MICU1: variants seen among roughly 807,000 people sequenced by gnomAD.
The protein encoded by MICU1 is mitochondrial calcium uptake 1.
MICU1 carries 45 observed loss-of-function variants against 56.8 expected under a neutral mutation model. That is an observed-to-expected ratio of 0.79 (90% confidence interval 0.62 to 1.02). The LOEUF is 1.02. MICU1 is among the 50% of genes least tolerant of loss of function. The pLI is 0.00. For synonymous variants in MICU1, 186 were observed against 195.1 expected (o/e 0.95, Z 0.39); for missense variants, 504 against 587.1 (o/e 0.86, Z 1.46).
At chr10:72,448,137 G>GTC (rs1257175269) in intron 8 of MICU1, among the ~76,000 whole-genome samples, 1 of 133,266 alleles carries the variant, frequency 7.5e-6, no homozygotes, top group Non-Finnish European at 1.6e-5. Flanking sequence ...GTGTGTGTGT[G>GTC]TGTGTGTGTG....
rs1332368375 is a variant in MICU1 at position 72,375,794 on chromosome 10, A to C, written c.1259T>G (p.Phe420Cys). 6.2e-7 allele frequency: 1 copy of C among 1,612,926 alleles called. No homozygotes were observed. The highest frequency in any genetic ancestry group is 8.5e-7 in the Non-Finnish European group (1 of 1,179,516). Reference protein sequence around the residue: ...DHVCDVVFALFDCDGNGELSN... With the variant: ...DHVCDVVFALCDCDGNGELSN... ...AGGGCCCCACTCACCATCACAGTCA[A>C]AGAGTGCAAACACCACATCACACAC... The change falls in exon 11 of 12, where the codon TTT (phenylalanine) becomes TGT (cysteine). Residue 420 changes from phenylalanine to cysteine, a missense_variant. By Grantham distance (205) the Phe-to-Cys change is radical (BLOSUM62 -2). Transcript: ENST00000361114.
At chr10:72,497,591 AT>A (rs1866890662) in intron 6 of MICU1, among the ~76,000 whole-genome samples, 2 of 152,194 alleles carry the variant, frequency 1.3e-5, no homozygotes, top group Non-Finnish European at 1.5e-5. Flanking sequence ...TGAGGGCTAA[AT>A]TTCTTCAGAG....
intron 10 of MICU1, among the ~76,000 whole-genome samples, chr10:72,393,282 G>A (rs1291899840): frequency 6.6e-6 from 1 of 152,148 alleles, no homozygotes; most frequent in African/African-American, 2.4e-5. Flanking sequence ...ATAAACCTGA[G>A]AAAATATCAG....
At chr10:72,407,875 G>T in intron 10 of MICU1, 54 bp downstream of exon 10, 2 of 1,188,562 alleles carry the variant, frequency 1.7e-6, no homozygotes, top group Non-Finnish European at 2.5e-6. Flanking sequence ...TCACCTAAGA[G>T]ATTACAGATC....
intron 8 of MICU1, 30 bp downstream of exon 8, chr10:72,475,070 A>G: frequency 1.3e-6 from 2 of 1,580,326 alleles, no homozygotes; most frequent in Non-Finnish European, 1.7e-6. Flanking sequence ...TCCACATGTG[A>G]TGGATCTACT....
At chr10:72,587,511 A>T (rs7910380) in intron 1 of MICU1, among the ~76,000 whole-genome samples, 90,381 of 149,850 alleles carry the variant, frequency 0.6, 28,822 homozygotes, top group African/African-American at 0.71. Context: ...GGCTCACACC[A>T]GTAATCACAG....
chr10:72,500,479 AC>A (rs1180803085), intron 6 of MICU1, among the ~76,000 whole-genome samples: 2 of 150,446 alleles, frequency 1.3e-5, no homozygotes, highest in East Asian at 3.9e-4. Flanking sequence ...TCACCACCAT[AC>A]CCAGGTAATT....
intron 10 of MICU1, among the ~76,000 whole-genome samples, chr10:72,386,371 G>A (rs925140769): frequency 1.9e-4 from 29 of 152,068 alleles, no homozygotes; most frequent in Middle Eastern, 3.4e-3. Flanking sequence ...TAGTAGAGAC[G>A]GGGTTTCCCC....
At position 72,569,225 on chromosome 10, in the gene MICU1, A is replaced by ATTTT. The variant is rs1320606721; in HGVS notation, c.-1-2432_-1-2431insAAAA. Among the ~76,000 whole-genome samples, 73 of 40,494 alleles carry ATTTT rather than the reference A, an allele frequency of 1.8e-3. 8 individuals carry two copies. Among genetic ancestry groups the ATTTT allele is most frequent in the African/African-American group, 7.9e-3 (67 of 8,454 alleles). The allele number at this position is 40,494 out of a possible 152,430, so 26.6% of individuals were successfully genotyped here. A position where few individuals can be genotyped will look rare whatever the true frequency, so the allele number is the denominator to read the frequency against. The stretch of plus-strand genomic sequence containing the variant: ...TATATGCATATATATATATATATAT[A>ATTTT]TATATATATATATTTTTTTTTTTTT... On this transcript the variant is annotated intron_variant, in intron 1 of 11. Transcript: ENST00000361114.
chr10:72,521,925 T>C (rs951212442), intron 5 of MICU1, among the ~76,000 whole-genome samples: 4 of 152,108 alleles, frequency 2.6e-5, no homozygotes, highest in African/African-American at 4.8e-5. Flanking sequence ...CATTTTGAAA[T>C]GTGCATCACT....
At chr10:72,507,162 C>CA (rs796970471) in intron 6 of MICU1, among the ~76,000 whole-genome samples, 2,175 of 125,882 alleles carry the variant, frequency 0.017, 18 homozygotes, top group Non-Finnish European at 0.027. Flanking sequence ...TGTCCCAGAC[C>CA]AAAAAAAAAA....
intron 5 of MICU1, among the ~76,000 whole-genome samples, chr10:72,520,840 T>C (rs1867795500): frequency 6.6e-6 from 1 of 152,152 alleles, no homozygotes; most frequent in Non-Finnish European, 1.5e-5. Flanking sequence ...TTTGTTTTAA[T>C]CCTCAGTATC....
intron 10 of MICU1, among the ~76,000 whole-genome samples, chr10:72,406,591 G>T (rs931199220): frequency 6.7e-6 from 1 of 150,354 alleles, no homozygotes; most frequent in Non-Finnish European, 1.5e-5. Flanking sequence ...TTTCATATAT[G>T]TTCATATACT....
chr10:72,453,824 C>T (rs1239819575), intron 8 of MICU1, among the ~76,000 whole-genome samples: 3 of 151,724 alleles, frequency 2.0e-5, no homozygotes, highest in East Asian at 1.9e-4. Context: ...AGCCACCGCG[C>T]CTGGCCTACT....
At chr10:72,570,927 TAA>T (rs923262331) in intron 1 of MICU1, among the ~76,000 whole-genome samples, 2 of 152,064 alleles carry the variant, frequency 1.3e-5, no homozygotes, top group Non-Finnish European at 2.9e-5. Context: ...TACACTCACA[TAA>T]ATAGCACTGC....
In MICU1 at chr10:72,562,741, A is replaced by G; in HGVS notation, c.330+154T>C. 4 of 581,968 alleles carry G rather than the reference A, an allele frequency of 6.9e-6. No homozygotes were observed. The South Asian group carries it at 1.8e-4, about 26-fold the overall frequency. The allele number at this position is 581,968 out of a possible 1,614,324, so 36.1% of individuals were successfully genotyped here. ...ACCTCCTTTAACCTCACATTCCAAG[A>G]GTACTTTTGGCTTAGAACATGATAG... On this transcript the variant is annotated intron_variant, in intron 3 of 11. Coordinates refer to ENST00000361114, the MANE Select transcript of MICU1 (RefSeq NM_001195518.2).
intron 11 of MICU1, among the ~76,000 whole-genome samples, chr10:72,369,182 G>A (rs1483756045): frequency 6.6e-6 from 1 of 151,948 alleles, no homozygotes; most frequent in African/African-American, 2.4e-5. Context: ...GGAGGCTAAG[G>A]CAGGAAGATC....
intron 1 of MICU1, among the ~76,000 whole-genome samples, chr10:72,609,284 AT>A (rs1165186362): frequency 2.0e-5 from 3 of 152,220 alleles, no homozygotes; most frequent in African/African-American, 7.2e-5. Context: ...AGTTCTGAAA[AT>A]GAATAGTGGC....
intron 1 of MICU1, among the ~76,000 whole-genome samples, chr10:72,608,640 G>C (rs1424800305): frequency 6.6e-6 from 1 of 152,180 alleles, no homozygotes; most frequent in Non-Finnish European, 1.5e-5. Flanking sequence ...TTTGTGCATT[G>C]TTGGTGGGAA....
Sources: gnomAD v4.1 joint callset for allele counts (sites outside exome capture counted in the v4.1 genomes callset) on GRCh38, gnomAD v4.1.1 for gene constraint, MANE v1.5 for transcripts, NCBI Gene and HGNC (gene_info 2026-07-23, HGNC 2026-07-21) for gene names.